NEDD9: variants seen among roughly 807,000 people sequenced by gnomAD.
NEDD9 encodes the protein enhancer of filamentation 1.
NEDD9 carries 26 observed loss-of-function variants against 76.6 expected under a neutral mutation model. The ratio of observed to expected loss-of-function variants is 0.34; its 90% confidence interval spans 0.25 to 0.47. NEDD9 has a LOEUF of 0.47. NEDD9 is among the 20% of genes least tolerant of loss of function. The pLI is 1.00. For missense variants in NEDD9, 937 were observed against 1,058.5 expected (o/e 0.89, Z 1.59); for synonymous variants, 392 against 414.2 (o/e 0.95, Z 0.65).
At chr6:11,222,892 A>G (rs1246242256) in intron 1 of NEDD9, among the ~76,000 whole-genome samples, 2 of 152,236 alleles carry the variant, frequency 1.3e-5, no homozygotes, top group Non-Finnish European at 2.9e-5. Flanking sequence ...ATTTTTGAGT[A>G]GGGCAGTTAT....
At chr6:11,232,277 C>T (rs761021161) in intron 1 of NEDD9, among the ~76,000 whole-genome samples, 1 of 152,216 alleles carries the variant, frequency 6.6e-6, no homozygotes, top group African/African-American at 2.4e-5. Context: ...TCCCCGGCAA[C>T]TTTCAGAGCA....
chr6:11,280,105 C>T (rs1581996342), intron 3 of NEDD9, among the ~76,000 whole-genome samples: 1 of 152,248 alleles, frequency 6.6e-6, no homozygotes, highest in East Asian at 1.9e-4. Flanking sequence ...TGGTCTCTAC[C>T]CTCTAGATGT....
intron 3 of NEDD9, among the ~76,000 whole-genome samples, chr6:11,301,536 C>A (rs1014173259): frequency 6.6e-6 from 1 of 152,210 alleles, no homozygotes; most frequent in African/African-American, 2.4e-5. Context: ...ATCTACAGAA[C>A]TCTCCACCCC....
chr6:11,346,149 C>A (rs1327014154), intron 1 of NEDD9, among the ~76,000 whole-genome samples: 3 of 152,184 alleles, frequency 2.0e-5, no homozygotes, highest in African/African-American at 7.2e-5. Context: ...TAACAGGGAT[C>A]TTGTCTATTT....
Position 11,252,968 on chromosome 6 carries a change from T to C in NEDD9, c.13-39241A>G, listed in dbSNP as rs1159841966. On this transcript the variant is annotated intron_variant, in intron 3 of 3. Coordinates refer to the NEDD9 transcript ENST00000397378. This position sits in a 1 kb window ranked among gnomAD's most constrained non-coding sequence, Gnocchi z 4.3. The stretch of plus-strand genomic sequence containing the variant: ...GGCTTGTGCTAGATGTTTTTAATGC[T>C]TTCCTGGCAGTTGCCTAAGAACAAA... Among the ~76,000 whole-genome samples, 2 of 152,220 alleles carry C rather than the reference T, an allele frequency of 1.3e-5. No individual in the cohort carries two copies. Among genetic ancestry groups the C allele is most frequent in the African/African-American group, 2.4e-5 (1 of 41,468 alleles).
intron 2 of NEDD9, among the ~76,000 whole-genome samples, chr6:11,212,302 C>T (rs915590388): frequency 1.3e-5 from 2 of 152,194 alleles, no homozygotes; most frequent in Non-Finnish European, 2.9e-5. Context: ...GAGAAAATCC[C>T]TCCTTTGTGA....
At position 11,290,325 on chromosome 6, in the gene NEDD9, C is replaced by T. The variant is rs80239697; in HGVS notation, c.12+15667G>A. Among the ~76,000 whole-genome samples the T allele has an allele frequency of 8.6e-3, 1,305 of 152,330 alleles. 6 individuals are homozygous for T. The highest frequency in any genetic ancestry group is 0.014 in the Non-Finnish European group (919 of 68,030). Reference sequence around the variant, plus strand: ...CTTCATTCCCCCCAAAGGCTGTCTCCACCTTTTAAGCTCTCTTGACAGAAT... The same window carrying T: ...CTTCATTCCCCCCAAAGGCTGTCTCTACCTTTTAAGCTCTCTTGACAGAAT... On this transcript the variant is annotated intron_variant, in intron 3 of 3. Transcript: ENST00000397378.
At chr6:11,355,806 C>T (rs1033092011) in intron 1 of NEDD9, among the ~76,000 whole-genome samples, 26 of 152,174 alleles carry the variant, frequency 1.7e-4, no homozygotes, top group South Asian at 4.2e-4. Flanking sequence ...CTGCAAGCTC[C>T]GCCTCCTGTG....
intron 3 of NEDD9, among the ~76,000 whole-genome samples, chr6:11,255,767 C>T (rs7766626): frequency 0.44 from 67,299 of 151,734 alleles, 15,447 homozygotes; most frequent in East Asian, 0.77. Context: ...TATGGAATCA[C>T]TTTATGTATT....
chr6:11,281,832 C>A (rs1760543931), intron 3 of NEDD9, among the ~76,000 whole-genome samples: 1 of 152,180 alleles, frequency 6.6e-6, no homozygotes, highest in Non-Finnish European at 1.5e-5. Context: ...CGGCTGACTG[C>A]AAACTCCTGG....
At chr6:11,220,310 T>C in intron 1 of NEDD9, among the ~76,000 whole-genome samples, 1 of 152,206 alleles carries the variant, frequency 6.6e-6, no homozygotes, top group East Asian at 1.9e-4. Flanking sequence ...AGGAGTATCT[T>C]GGACCCCCCC....
chr6:11,356,863 C>A (rs1273201045), intron 1 of NEDD9, among the ~76,000 whole-genome samples: 2 of 152,136 alleles, frequency 1.3e-5, no homozygotes, highest in Admixed American at 6.5e-5. Flanking sequence ...GAATTACACC[C>A]CTTCGCATGT....
chr6:11,316,890 A>G (rs572779090), intron 2 of NEDD9, among the ~76,000 whole-genome samples: 1 of 152,362 alleles, frequency 6.6e-6, no homozygotes, highest in South Asian at 2.1e-4. Flanking sequence ...CATGGATGCT[A>G]GTATCATTCT....
chr6:11,260,780 A>T (rs1372219088), intron 3 of NEDD9, among the ~76,000 whole-genome samples: 2 of 152,312 alleles, frequency 1.3e-5, no homozygotes, highest in East Asian at 3.9e-4. Context: ...ATAGTCACAC[A>T]CTATTTCTCA....
intron 2 of NEDD9, among the ~76,000 whole-genome samples, chr6:11,201,717 T>TA (rs1758462535): frequency 2.0e-5 from 3 of 148,778 alleles, no homozygotes; most frequent in East Asian, 1.9e-4. Flanking sequence ...ATATATATAT[T>TA]TTGTCATTTT....
intron 3 of NEDD9, among the ~76,000 whole-genome samples, chr6:11,270,960 C>T (rs937564845): frequency 6.6e-6 from 1 of 152,216 alleles, no homozygotes; most frequent in African/African-American, 2.4e-5. Context: ...ATTCCAATCC[C>T]AGGTGACGGC....
intron 2 of NEDD9, among the ~76,000 whole-genome samples, chr6:11,334,106 A>G (rs539802116): frequency 1.3e-5 from 2 of 152,380 alleles, no homozygotes; most frequent in African/African-American, 4.8e-5. Flanking sequence ...AATATAGCAC[A>G]TCAATCAAAA....
At chr6:11,298,714 A>T (rs1434833781) in intron 3 of NEDD9, among the ~76,000 whole-genome samples, 1 of 152,232 alleles carries the variant, frequency 6.6e-6, no homozygotes, top group East Asian at 1.9e-4. Context: ...TCACAAATAA[A>T]TATAGTTTGT....
chr6:11,192,147 C>T (rs1204470734), intron 4 of NEDD9, among the ~76,000 whole-genome samples, 198 bp downstream of exon 4: 3 of 152,162 alleles, frequency 2.0e-5, no homozygotes, highest in Non-Finnish European at 4.4e-5. Flanking sequence ...ATATGAAATC[C>T]CTAGAGCTAT....
Sources: gnomAD v4.1 joint callset for allele counts (sites outside exome capture counted in the v4.1 genomes callset) on GRCh38, gnomAD v4.1.1 for gene constraint, Gnocchi (gnomAD v3.1) non-coding constraint, MANE v1.5 for transcripts, NCBI Gene and HGNC (gene_info 2026-07-23, HGNC 2026-07-21) for gene names.